PLCL1: variants seen among roughly 807,000 people sequenced by gnomAD.
The protein encoded by PLCL1 is inactive phospholipase C-like protein 1.
Under a neutral mutation model 84.4 loss-of-function variants are expected in PLCL1, and 41 were observed. The observed-to-expected ratio is 0.49, with a 90% confidence interval of 0.38 to 0.63. The LOEUF (loss-of-function observed/expected upper bound fraction) is 0.63, where lower values mean the gene tolerates loss of function less well. Ranked by LOEUF, PLCL1 falls within the 30% of genes least tolerant of loss-of-function variation. The pLI is 0.00. For synonymous variants in PLCL1, 490 were observed against 488.3 expected (o/e 1.00, Z -0.05); for missense variants, 1,206 against 1,367.8 (o/e 0.88, Z 1.87).
At chr2:198,129,448 A>G (rs1694069820) in intron 5 of PLCL1, among the ~76,000 whole-genome samples, 1 of 152,006 alleles carries the variant, frequency 6.6e-6, no homozygotes, top group Non-Finnish European at 1.5e-5. Flanking sequence ...AAATCTTTGA[A>G]TCCACCTATG....
intron 1 of PLCL1, among the ~76,000 whole-genome samples, chr2:197,890,642 A>G (rs1687997387): frequency 6.9e-6 from 1 of 145,898 alleles, no homozygotes; most frequent in African/African-American, 2.6e-5. Context: ...CTCCAGGATC[A>G]TTATAGACTT....
At chr2:197,838,022 T>TA (rs1012890338) in intron 1 of PLCL1, among the ~76,000 whole-genome samples, 183 of 152,352 alleles carry the variant, frequency 1.2e-3, no homozygotes, top group African/African-American at 4.1e-3. Context: ...TTTTACATTC[T>TA]AAAATTTGTA....
chr2:198,050,236 G>C lies in PLCL1; in HGVS notation c.241-33522G>C, dbSNP rs557761022. 9.9e-5 allele frequency among the ~76,000 whole-genome samples: 15 copies of C among 152,198 alleles called. No individual in the cohort carries two copies. The East Asian group carries it at 2.9e-3, about 29-fold the overall frequency. The stretch of plus-strand genomic sequence containing the variant: ...GCCGAGGCCTGTTTTTTTTCTGTAC[G>C]TTTTCATGGCTGTTTGTAGACAGTG... On this transcript the variant is annotated intron_variant, in intron 1 of 5. Transcript: ENST00000428675.
At chr2:197,936,137 C>CCA (rs1247460776) in intron 1 of PLCL1, among the ~76,000 whole-genome samples, 2 of 146,454 alleles carry the variant, frequency 1.4e-5, no homozygotes, top group Non-Finnish European at 3.0e-5. Flanking sequence ...AAACACCCCC[C>CCA]CCCTCACATT....
At chr2:198,057,298 C>G (rs7424606) in intron 1 of PLCL1, among the ~76,000 whole-genome samples, 1 of 152,034 alleles carries the variant, frequency 6.6e-6, no homozygotes, top group South Asian at 2.1e-4. Flanking sequence ...CTTGATGGTG[C>G]TGGGTTGAAG....
At chr2:197,859,616 G>A (rs924727684) in intron 1 of PLCL1, among the ~76,000 whole-genome samples, 5 of 151,954 alleles carry the variant, frequency 3.3e-5, no homozygotes, top group African/African-American at 1.2e-4. Flanking sequence ...AAATTTCTAT[G>A]GTCTCATGAG....
At chr2:197,942,512 T>G in intron 1 of PLCL1, among the ~76,000 whole-genome samples, 1 of 152,204 alleles carries the variant, frequency 6.6e-6, no homozygotes, top group East Asian at 1.9e-4. Flanking sequence ...AATTATGAAA[T>G]CAATTTCTCC....
chr2:197,805,489 G>A lies in PLCL1; in HGVS notation c.240+150G>A. 1.3e-6 allele frequency: 1 copy of A among 763,264 alleles called. No homozygotes were observed. Among genetic ancestry groups the A allele is most frequent in the Admixed American group, 4.3e-5 (1 of 23,080 alleles). 47.3% of individuals were successfully genotyped at this position (763,264 alleles called of 1,614,324 possible). On this transcript the variant is annotated intron_variant, in intron 1 of 5. Coordinates refer to ENST00000428675, the MANE Select transcript of PLCL1 (RefSeq NM_006226.4). The surrounding 1 kb of genome is among the most constrained non-coding windows in gnomAD (Gnocchi z 4.0). ...GCCAAACCTTCCTTCCTTATCCGGAGGTTCCCAGACTCAGCTGTCAGCCAC... is the reference window on the plus strand; with the variant it reads ...GCCAAACCTTCCTTCCTTATCCGGAAGTTCCCAGACTCAGCTGTCAGCCAC...
At chr2:197,905,831 C>CT (rs1688370789) in intron 1 of PLCL1, among the ~76,000 whole-genome samples, 1 of 152,188 alleles carries the variant, frequency 6.6e-6, no homozygotes, top group Non-Finnish European at 1.5e-5. Flanking sequence ...TGATGATGAG[C>CT]TTTTTTTCAT....
chr2:198,040,447 C>T (rs1039307529), intron 1 of PLCL1, among the ~76,000 whole-genome samples: 2 of 152,090 alleles, frequency 1.3e-5, no homozygotes, highest in Non-Finnish European at 2.9e-5. Context: ...CAAGACCTAT[C>T]ATTGGGTCTT....
chr2:197,987,404 T>A (rs1206214798), intron 1 of PLCL1, among the ~76,000 whole-genome samples: 1 of 152,162 alleles, frequency 6.6e-6, no homozygotes, highest in African/African-American at 2.4e-5. Context: ...ATTTAAACAG[T>A]TGTCTCCTTT....
chr2:198,036,390 G>A (rs1247837679), intron 1 of PLCL1, among the ~76,000 whole-genome samples: 2 of 152,180 alleles, frequency 1.3e-5, no homozygotes. Flanking sequence ...TTTGAATTAA[G>A]TTGAGATGCT....
At chr2:197,954,502 G>C (rs1267418625) in intron 1 of PLCL1, among the ~76,000 whole-genome samples, 2 of 152,008 alleles carry the variant, frequency 1.3e-5, no homozygotes, top group Non-Finnish European at 2.9e-5. Flanking sequence ...TGGTTTTTCA[G>C]CATCTGTGGT....
At chr2:197,976,174 T>A (rs1245436038) in intron 1 of PLCL1, among the ~76,000 whole-genome samples, 1 of 152,164 alleles carries the variant, frequency 6.6e-6, no homozygotes, top group Non-Finnish European at 1.5e-5. Context: ...ATTTCCTGCT[T>A]CCCACCAGCA....
chr2:197,931,975 T>C (rs1688944406), intron 1 of PLCL1, among the ~76,000 whole-genome samples: 1 of 152,218 alleles, frequency 6.6e-6, no homozygotes, highest in Admixed American at 6.6e-5. Context: ...TAAAATATCC[T>C]GCATAGAGCA....
chr2:197,814,899 T>C (rs954126584), intron 1 of PLCL1, among the ~76,000 whole-genome samples: 1 of 152,136 alleles, frequency 6.6e-6, no homozygotes, highest in African/African-American at 2.4e-5. Context: ...TGAAGGCTGA[T>C]AGGGGCGAGG....
intron 1 of PLCL1, among the ~76,000 whole-genome samples, chr2:197,926,706 A>C (rs1409838426): frequency 6.6e-6 from 1 of 152,202 alleles, no homozygotes; most frequent in Non-Finnish European, 1.5e-5. Flanking sequence ...TTCTTTCTTG[A>C]AACTGGGGAG....
intron 1 of PLCL1, among the ~76,000 whole-genome samples, chr2:198,041,471 G>A (rs1406603017): frequency 2.0e-5 from 3 of 152,008 alleles, no homozygotes; most frequent in Non-Finnish European, 4.4e-5. Flanking sequence ...GAATTTTTCA[G>A]TCAGTAATTT....
At chr2:197,911,317 A>T (rs758019328) in intron 1 of PLCL1, among the ~76,000 whole-genome samples, 7 of 152,146 alleles carry the variant, frequency 4.6e-5, no homozygotes, top group Non-Finnish European at 1.0e-4. Context: ...AGCCTGGGTG[A>T]CAGAGTGTGA....
Sources: gnomAD v4.1 joint callset for allele counts (sites outside exome capture counted in the v4.1 genomes callset) on GRCh38, gnomAD v4.1.1 for gene constraint, Gnocchi (gnomAD v3.1) non-coding constraint, MANE v1.5 for transcripts, NCBI Gene and HGNC (gene_info 2026-07-23, HGNC 2026-07-21) for gene names.